Variants in CCNY observed in about 807,000 individuals in gnomAD.
CCNY encodes cyclin-Y.
A neutral mutation model predicts 42.8 loss-of-function variants in CCNY; 19 were observed. The observed-to-expected ratio is 0.44, with a 90% CI of 0.31 to 0.65. The LOEUF (loss-of-function observed/expected upper bound fraction) is 0.65, where lower values mean the gene tolerates loss of function less well. Ranked by LOEUF, CCNY falls within the 30% of genes least tolerant of loss-of-function variation. CCNY has a pLI of 0.07. For missense variants in CCNY, 370 were observed against 437.3 expected (o/e 0.85, Z 1.37); for synonymous variants, 165 against 162.7 (o/e 1.01, Z -0.11).
At chr10:35,419,342 G>T (rs1033301800) in intron 1 of CCNY, among the ~76,000 whole-genome samples, 6 of 152,124 alleles carry the variant, frequency 3.9e-5, no homozygotes, top group Admixed American at 3.3e-4. Flanking sequence ...TTTAAGCAAA[G>T]AAATGGTATG....
chr10:35,510,210 A>T (rs1183918205), intron 3 of CCNY, among the ~76,000 whole-genome samples: 1 of 151,828 alleles, frequency 6.6e-6, no homozygotes, highest in African/African-American at 2.4e-5. Context: ...ATAATACTTC[A>T]TTTTATTTAT....
chr10:35,533,151 G>A (rs545037731), intron 7 of CCNY, among the ~76,000 whole-genome samples: 24 of 152,216 alleles, frequency 1.6e-4, no homozygotes, highest in Non-Finnish European at 3.2e-4. Flanking sequence ...TCACCTCTCC[G>A]TTTAAGGCCG....
chr10:35,566,654 ATT>A, intron 9 of CCNY, among the ~76,000 whole-genome samples: 1 of 152,122 alleles, frequency 6.6e-6, no homozygotes, highest in South Asian at 2.1e-4. Flanking sequence ...GCCACTTCAT[ATT>A]TTTAATAACC....
chr10:35,470,755 C>T (rs932492025), intron 1 of CCNY, among the ~76,000 whole-genome samples: 1 of 152,180 alleles, frequency 6.6e-6, no homozygotes, highest in East Asian at 1.9e-4. Flanking sequence ...TGGTGACAGC[C>T]TCCTGGAGCA....
intron 1 of CCNY, among the ~76,000 whole-genome samples, chr10:35,384,486 G>T (rs569427301): frequency 1.8e-4 from 28 of 152,342 alleles, no homozygotes; most frequent in African/African-American, 2.2e-4. Context: ...AGCTATCTAC[G>T]TAGGAACAAA....
chr10:35,432,947 AT>A (rs1838445002), intron 1 of CCNY, among the ~76,000 whole-genome samples: 1 of 152,214 alleles, frequency 6.6e-6, no homozygotes, highest in Admixed American at 6.5e-5. Context: ...ACTAAAAAAT[AT>A]TTTGAACTAG....
intron 7 of CCNY, among the ~76,000 whole-genome samples, chr10:35,540,443 T>C (rs1418995015): frequency 6.6e-6 from 1 of 152,232 alleles, no homozygotes; most frequent in Non-Finnish European, 1.5e-5. Context: ...TGGACTCAGT[T>C]TGCTAGTCTT....
chr10:35,556,375 C>A (rs1008259577), intron 8 of CCNY, among the ~76,000 whole-genome samples: 1 of 152,160 alleles, frequency 6.6e-6, no homozygotes, highest in Admixed American at 6.5e-5. Context: ...GGACTGCAGG[C>A]CCTGAGTAGG....
chr10:35,290,222 T>TCTCACACACACACACA (rs1554774113), intron 3 of CCNY, among the ~76,000 whole-genome samples: 2 of 122,910 alleles, frequency 1.6e-5, no homozygotes, highest in African/African-American at 6.5e-5. Flanking sequence ...CAAGACTCCA[T>TCTCACACACACACACA]CACACACACA....
At chr10:35,330,222 T>C (rs1835926254) in intron 3 of CCNY, among the ~76,000 whole-genome samples, 1 of 152,228 alleles carries the variant, frequency 6.6e-6, no homozygotes, top group Non-Finnish European at 1.5e-5. Context: ...AGCTTCCTAT[T>C]CAGAGGAACC....
chr10:35,465,702 G>A (rs1256591181), intron 1 of CCNY, among the ~76,000 whole-genome samples: 2 of 152,162 alleles, frequency 1.3e-5, no homozygotes, highest in East Asian at 3.9e-4. Flanking sequence ...GCTTTGGCCT[G>A]TCCTCTTCCT....
At chr10:35,550,397 G>A (rs1378015861) in intron 7 of CCNY, among the ~76,000 whole-genome samples, 5 of 152,164 alleles carry the variant, frequency 3.3e-5, no homozygotes, top group Middle Eastern at 3.2e-3. Flanking sequence ...CTTGCTGATG[G>A]TCTTTTTATC....
chr10:35,522,415 C>T (rs1044916641), intron 4 of CCNY, among the ~76,000 whole-genome samples: 3 of 152,192 alleles, frequency 2.0e-5, no homozygotes, highest in Non-Finnish European at 4.4e-5. Flanking sequence ...GTCTACATAT[C>T]AGTCTCAAAA....
chr10:35,569,373 A>G lies in CCNY; in HGVS notation c.*203A>G, dbSNP rs1446344624. ...CTGGAGATCCCAGCTCGCTCTCCCCACTGTCAGCAACAGCACTTCCTTCGT... is the reference window on the plus strand; with the variant it reads ...CTGGAGATCCCAGCTCGCTCTCCCCGCTGTCAGCAACAGCACTTCCTTCGT... On this transcript the variant is annotated 3_prime_UTR_variant, in exon 10 of 10. Transcript: ENST00000374704. 2 of 570,550 alleles carry G rather than the reference A, an allele frequency of 3.5e-6. No individual in the cohort carries two copies. The highest frequency in any genetic ancestry group is 3.0e-5 in the Admixed American group (1 of 33,238). The allele number at this position is 570,550 out of a possible 1,614,324, so 35.3% of individuals were successfully genotyped here.
intron 7 of CCNY, among the ~76,000 whole-genome samples, chr10:35,544,576 T>C (rs1841074034): frequency 6.6e-6 from 1 of 152,236 alleles, no homozygotes; most frequent in Admixed American, 6.5e-5. Flanking sequence ...TCCAAGATGT[T>C]GTCCACCAGC....
At chr10:35,269,477 T>C (rs12259449) in intron 3 of CCNY, among the ~76,000 whole-genome samples, 1,953 of 151,446 alleles carry the variant, frequency 0.013, 45 homozygotes, top group African/African-American at 0.045. Flanking sequence ...CTAAGTTTTG[T>C]ATTTTTAGTA....
intron 1 of CCNY, among the ~76,000 whole-genome samples, chr10:35,348,553 C>T (rs777199944): frequency 5.9e-5 from 9 of 152,228 alleles, no homozygotes; most frequent in Non-Finnish European, 1.2e-4. Flanking sequence ...CCTGCAGTCT[C>T]TGGATGTTGG....
intron 1 of CCNY, among the ~76,000 whole-genome samples, chr10:35,457,747 AT>A (rs967696667): frequency 2.0e-5 from 3 of 151,116 alleles, no homozygotes; most frequent in East Asian, 3.9e-4. Context: ...CACCCGGCTA[AT>A]TTTTTTTTGT....
intron 2 of CCNY, among the ~76,000 whole-genome samples, chr10:35,498,683 G>T (rs1027320511): frequency 6.6e-6 from 1 of 152,214 alleles, no homozygotes; most frequent in Non-Finnish European, 1.5e-5. Flanking sequence ...GTAGGGACAG[G>T]TTGTTGGTTT....
Sources: gnomAD v4.1 joint callset for allele counts (sites outside exome capture counted in the v4.1 genomes callset) on GRCh38, gnomAD v4.1.1 for gene constraint, MANE v1.5 for transcripts, NCBI Gene and HGNC (gene_info 2026-07-23, HGNC 2026-07-21) for gene names.